Variants in NELL1 observed in about 807,000 individuals in gnomAD.
NELL1 encodes neural EGFL like 1.
In NELL1, 76 loss-of-function variants were observed where a neutral mutation model predicts 107.4. That is an observed-to-expected ratio of 0.71 (90% CI 0.59 to 0.86). The LOEUF (loss-of-function observed/expected upper bound fraction) is 0.86, where lower values mean the gene tolerates loss of function less well. Ranked by LOEUF, NELL1 falls within the 40% of genes least tolerant of loss-of-function variation. The probability of loss-of-function intolerance (pLI) is 0.00; values close to 1 mark genes in which losing one functional copy is unlikely to be tolerated. For synonymous variants in NELL1, 353 were observed against 341.2 expected (o/e 1.03, Z -0.38); for missense variants, 1,024 against 1,005.5 (o/e 1.02, Z -0.25).
intron 2 of NELL1, among the ~76,000 whole-genome samples, chr11:20,738,416 A>T (rs1410525610): frequency 6.6e-6 from 1 of 152,080 alleles, no homozygotes; most frequent in African/African-American, 2.4e-5. Context: ...AGTGCAGATG[A>T]TGGGGAATCA....
chr11:21,432,870 A>G (rs1343300981), intron 15 of NELL1, among the ~76,000 whole-genome samples: 1 of 152,164 alleles, frequency 6.6e-6, no homozygotes, highest in East Asian at 1.9e-4. Flanking sequence ...TGAACATTCA[A>G]AATTCTGTCT....
In NELL1 at chr11:21,277,860, G is replaced by A. The variant is rs557209249; in HGVS notation, c.1549+48406G>A. ...TGGGAATTGAACAATGAGAACACACGGACACAGGAATAGGAACATCACACA... is the reference window on the plus strand; with the variant it reads ...TGGGAATTGAACAATGAGAACACACAGACACAGGAATAGGAACATCACACA... On this transcript the variant is annotated intron_variant, in intron 14 of 19. Coordinates refer to ENST00000357134, the MANE Select transcript of NELL1 (RefSeq NM_006157.5). Among the ~76,000 whole-genome samples the A allele has an allele frequency of 5.3e-5, 8 of 152,178 alleles. No individual in the cohort carries two copies. In the South Asian group the frequency reaches 1.0e-3, roughly 20 times the overall value.
chr11:20,878,358 C>CCA, intron 4 of NELL1, among the ~76,000 whole-genome samples: 1 of 95,760 alleles, frequency 1.0e-5, no homozygotes, highest in African/African-American at 3.6e-5. Flanking sequence ...GACCCCGTCT[C>CCA]AAAAAAAAAA....
chr11:21,228,640 G>A (rs1857954916), intron 13 of NELL1, among the ~76,000 whole-genome samples: 1 of 145,880 alleles, frequency 6.9e-6, no homozygotes, highest in African/African-American at 2.5e-5. Flanking sequence ...TTCTAAAGAA[G>A]CCATGCAATC....
At chr11:21,261,167 G>T (rs1848522829) in intron 14 of NELL1, among the ~76,000 whole-genome samples, 1 of 151,106 alleles carries the variant, frequency 6.6e-6, no homozygotes, top group Non-Finnish European at 1.5e-5. Context: ...TAGATAATTT[G>T]GGTGAAAATA....
intron 2 of NELL1, among the ~76,000 whole-genome samples, chr11:20,728,853 G>T (rs914223846): frequency 2.6e-5 from 4 of 152,094 alleles, no homozygotes; most frequent in Non-Finnish European, 4.4e-5. Flanking sequence ...AATGACATTG[G>T]TTATTTGATA....
chr11:20,734,502 A>G (rs1170118034), intron 2 of NELL1, among the ~76,000 whole-genome samples: 1 of 152,048 alleles, frequency 6.6e-6, no homozygotes, highest in Non-Finnish European at 1.5e-5. Flanking sequence ...CAGATTTGGG[A>G]TATATATATT....
intron 14 of NELL1, chr11:21,284,217 G>T: frequency 2.2e-6 from 1 of 456,766 alleles, no homozygotes; most frequent in Non-Finnish European, 4.4e-6. Flanking sequence ...CTCTATGCCA[G>T]TGTCATTCAT....
chr11:21,184,877 A>G (rs1429090153), intron 13 of NELL1, among the ~76,000 whole-genome samples: 1 of 151,846 alleles, frequency 6.6e-6, no homozygotes. Flanking sequence ...ATCCTTCTAA[A>G]TATAATATTA....
intron 13 of NELL1, among the ~76,000 whole-genome samples, chr11:21,168,965 A>G: frequency 6.6e-6 from 1 of 151,846 alleles, no homozygotes; most frequent in East Asian, 1.9e-4. Context: ...AGTGCATATG[A>G]CTCAATTCTG....
At chr11:20,761,584 A>G (rs1406067835) in intron 2 of NELL1, among the ~76,000 whole-genome samples, 2 of 152,236 alleles carry the variant, frequency 1.3e-5, no homozygotes, top group Admixed American at 6.5e-5. Context: ...AAACAAACCC[A>G]CAACTTGGGA....
intron 9 of NELL1, among the ~76,000 whole-genome samples, chr11:20,930,838 A>G (rs914535980): frequency 2.7e-5 from 4 of 149,900 alleles, no homozygotes; most frequent in South Asian, 2.1e-4. Context: ...CATGGAATTC[A>G]TAGCAATTTA....
intron 2 of NELL1, among the ~76,000 whole-genome samples, chr11:20,703,724 A>C (rs60820591): frequency 0.015 from 2,268 of 152,282 alleles, 52 homozygotes; most frequent in African/African-American, 0.052. Context: ...CACTGGTTTC[A>C]GAGAACATCT....
At chr11:21,143,262 C>T (rs763950525) in intron 13 of NELL1, among the ~76,000 whole-genome samples, 3 of 152,138 alleles carry the variant, frequency 2.0e-5, no homozygotes, top group Non-Finnish European at 4.4e-5. Context: ...TTTTTATTAT[C>T]ATAATAGCTT....
At chr11:20,716,372 T>C (rs1203190085) in intron 2 of NELL1, among the ~76,000 whole-genome samples, 4 of 152,268 alleles carry the variant, frequency 2.6e-5, no homozygotes, top group African/African-American at 9.6e-5. Context: ...AAGGATGCTA[T>C]TAGCAACAAC....
At chr11:21,087,387 GAA>G (rs61212226) in intron 12 of NELL1, among the ~76,000 whole-genome samples, 2,839 of 148,590 alleles carry the variant, frequency 0.019, 83 homozygotes, top group South Asian at 0.12. Flanking sequence ...GATCTGAAAA[GAA>G]AAAAAAAAAT....
rs1343318868 is a variant in NELL1 at position 20,693,727 on chromosome 11, T to G, written c.184+15667T>G. ...TCTGGCTGCCCTTAACATTTTTTCC[T>G]TCATTTCAACTTTGGTGAATCTGAC... On this transcript the variant is annotated intron_variant, in intron 2 of 19. Coordinates refer to ENST00000357134, the MANE Select transcript of NELL1 (RefSeq NM_006157.5). 3.3e-5 allele frequency among the ~76,000 whole-genome samples: 5 copies of G among 152,134 alleles called. No homozygotes were observed. In the East Asian group the frequency reaches 9.7e-4, roughly 29 times the overall value.
chr11:21,183,984 C>T (rs575366246), intron 13 of NELL1, among the ~76,000 whole-genome samples: 1 of 151,852 alleles, frequency 6.6e-6, no homozygotes, highest in East Asian at 1.9e-4. Context: ...TGTTTTCTTA[C>T]ATGTTGGCCC....
At chr11:20,996,634 TATCAGGAGTTC>T (rs1565006383) in intron 12 of NELL1, among the ~76,000 whole-genome samples, 4 of 152,280 alleles carry the variant, frequency 2.6e-5, no homozygotes, top group Non-Finnish European at 5.9e-5. Flanking sequence ...TTTCTTCCCA[TATCAGGAGTTC>T]AGGGACCCTG....
Sources: allele counts gnomAD v4.1 joint callset (sites outside exome capture counted in the v4.1 genomes callset), GRCh38; gene constraint gnomAD v4.1.1; transcripts MANE v1.5; gene names NCBI Gene and HGNC (gene_info 2026-07-23, HGNC 2026-07-21).